The following CSF1R variants were observed in gnomAD, a reference collection of about 807,000 sequenced individuals.
CSF1R encodes the protein colony stimulating factor 1 receptor.
A neutral mutation model predicts 110.0 loss-of-function variants in CSF1R; 40 were observed. The observed-to-expected ratio is 0.36, with a 90% CI of 0.28 to 0.47. CSF1R has a LOEUF of 0.47. Among genes scored for constraint, CSF1R ranks in the 20% least tolerant of loss-of-function variants. CSF1R has a pLI of 0.99. For missense variants in CSF1R, 1,052 were observed against 1,253.0 expected (o/e 0.84, Z 2.42); for synonymous variants, 523 against 503.4 (o/e 1.04, Z -0.52).
chr5:150,067,892 TCACC>T (rs1757844343), intron 10 of CSF1R, among the ~76,000 whole-genome samples: 2 of 152,154 alleles, frequency 1.3e-5, no homozygotes, highest in African/African-American at 4.8e-5. Context: ...TCTGGCTGTA[TCACC>T]CAGGCTGGTC....
At chr5:150,110,662 T>C (rs965465891) in intron 1 of CSF1R, among the ~76,000 whole-genome samples, 2 of 152,216 alleles carry the variant, frequency 1.3e-5, no homozygotes, top group Non-Finnish European at 2.9e-5. Context: ...TAGGTACAGA[T>C]ACAAATATTA....
At chr5:150,089,842 T>G (rs1184034928), upstream of CSF1R, among the ~76,000 whole-genome samples, 1 of 152,188 alleles carries the variant, frequency 6.6e-6, no homozygotes, top group Non-Finnish European at 1.5e-5. Flanking sequence ...TATGGATCAA[T>G]AGAATAAAAT....
intron 1 of CSF1R, among the ~76,000 whole-genome samples, chr5:150,105,380 A>T (rs1392808379): frequency 1.0e-4 from 9 of 85,858 alleles, no homozygotes; most frequent in African/African-American, 3.6e-4. Context: ...ATATATATAT[A>T]TATATTTTTT....
At chr5:150,088,645 T>C (rs560458930), upstream of CSF1R, among the ~76,000 whole-genome samples, 4 of 152,226 alleles carry the variant, frequency 2.6e-5, no homozygotes, top group East Asian at 7.7e-4. Flanking sequence ...GCTATTCTCG[T>C]GCCTCAAACT....
upstream of CSF1R, among the ~76,000 whole-genome samples, chr5:150,087,742 T>A (rs1758901799): frequency 6.6e-6 from 1 of 152,094 alleles, no homozygotes; most frequent in African/African-American, 2.4e-5. Context: ...TTTTTTCTTT[T>A]TTTTTTTCTG....
At chr5:150,093,326 G>C (rs1458179737) in intron 1 of CSF1R, among the ~76,000 whole-genome samples, 1 of 152,088 alleles carries the variant, frequency 6.6e-6, no homozygotes, top group East Asian at 1.9e-4. Flanking sequence ...TCATCTGCCT[G>C]CTTCGGCCTC....
intron 1 of CSF1R, among the ~76,000 whole-genome samples, chr5:150,081,837 A>T (rs1758557299): frequency 6.6e-6 from 1 of 152,236 alleles, no homozygotes; most frequent in Non-Finnish European, 1.5e-5. Context: ...AGAAAAGAGA[A>T]CTTGAAACCC....
intron 1 of CSF1R, among the ~76,000 whole-genome samples, chr5:150,102,592 G>C (rs554209110): frequency 6.6e-6 from 1 of 152,228 alleles, no homozygotes; most frequent in East Asian, 1.9e-4. Context: ...CGATTCTCCT[G>C]CCTCAGCCTC....
At chr5:150,103,095 A>G (rs2113865074) in intron 1 of CSF1R, among the ~76,000 whole-genome samples, 1 of 152,348 alleles carries the variant, frequency 6.6e-6, no homozygotes, top group African/African-American at 2.4e-5. Context: ...AAGGTCAAGG[A>G]GGGTTTGTGA....
intron 12 of CSF1R, 134 bp from the exon 13 acceptor site, chr5:150,061,106 C>G: frequency 1.6e-6 from 1 of 606,662 alleles, no homozygotes; most frequent in South Asian, 2.3e-5. Context: ...TGACCAGAAG[C>G]CAAAAGAAGG....
At position 150,056,280 on chromosome 5, in the gene CSF1R, A is replaced by G. The variant is rs281860274; in HGVS notation, c.2381T>C (p.Ile794Thr). The change falls in exon 17 of 21, where the codon ATT (isoleucine) becomes ACT (threonine). Residue 794 changes from isoleucine to threonine, a missense_variant. Coordinates refer to ENST00000675795, the MANE Select transcript of CSF1R (RefSeq NM_001288705.3). ...VLLTNGHVAKIGDFGLARDIM... is the reference protein window; with the variant it reads ...VLLTNGHVAKTGDFGLARDIM... ...GTCCCTAGCCAGCCCGAAGTCCCCA[A>G]TCTTGGCCACATGACCATTGGTCAA... 1 of 1,614,072 alleles carries G rather than the reference A, an allele frequency of 6.2e-7. No individual in the cohort carries two copies. Among genetic ancestry groups the G allele is most frequent in the Non-Finnish European group, 8.5e-7 (1 of 1,180,012 alleles).
At chr5:150,084,398 G>T (rs181951501) in intron 1 of CSF1R, among the ~76,000 whole-genome samples, 1 of 25,026 alleles carries the variant, frequency 4.0e-5, no homozygotes, top group Non-Finnish European at 7.3e-5. Flanking sequence ...AAAGAAGGAA[G>T]GAAGGAAGGA....
intron 1 of CSF1R, among the ~76,000 whole-genome samples, chr5:150,110,668 T>A (rs375990227): frequency 6.6e-6 from 1 of 152,194 alleles, no homozygotes. Flanking sequence ...CAGATACAAA[T>A]ATTAGTATGG....
At chr5:150,085,712 C>A (rs1046340376) in intron 1 of CSF1R, among the ~76,000 whole-genome samples, 1 of 152,136 alleles carries the variant, frequency 6.6e-6, no homozygotes, top group Non-Finnish European at 1.5e-5. Flanking sequence ...AGCCCTGGGC[C>A]AGAGAGGCCA....
intron 1 of CSF1R, among the ~76,000 whole-genome samples, chr5:150,104,117 G>A (rs1384878162): frequency 1.3e-5 from 2 of 152,208 alleles, no homozygotes; most frequent in Non-Finnish European, 2.9e-5. Context: ...GTCCCTGGAT[G>A]GCCTTGAGGA....
In CSF1R at chr5:150,078,137, A is replaced by C. The variant is rs1465872803; in HGVS notation, c.704T>G (p.Val235Gly). 3.1e-6 allele frequency: 5 copies of C among 1,614,108 alleles called. No homozygotes were observed. The East Asian group carries it at 6.7e-5, about 22-fold the overall frequency. The change falls in exon 4 of 21, where the codon GTC becomes GGC. Residue 235 changes from valine to glycine, a missense_variant. Val to Gly is a moderately radical substitution (Grantham distance 109). Around this residue, in one of 5 missense-constraint regions of CSF1R, gnomAD observed 693 missense variants for 735.4 expected, o/e 0.94. Transcript: ENST00000675795. ...SASSVDVNFD[V>G]FLQHNNTKLA... ...CTTGGTGTTGTTGTGTTGGAGGAAG[A>C]CATCAAAGTTAACATCAACGCTGCT...
intron 5 of CSF1R, among the ~76,000 whole-genome samples, chr5:150,075,481 TC>T (rs1758223383): frequency 6.6e-6 from 1 of 152,202 alleles, no homozygotes; most frequent in Non-Finnish European, 1.5e-5. Context: ...AGGATGGAGC[TC>T]CCTTCTCCAA....
chr5:150,085,076 C>G (rs552898183), intron 1 of CSF1R, among the ~76,000 whole-genome samples: 1 of 151,910 alleles, frequency 6.6e-6, no homozygotes, highest in African/African-American at 2.4e-5. Flanking sequence ...GTCAGGAGTT[C>G]GAGACCAGCT....
chr5:150,084,382 AGAAAGAAAGAAGGAAGGAAGGAAGGAAG>A (rs1758718355), intron 1 of CSF1R, among the ~76,000 whole-genome samples: 4 of 49,200 alleles, frequency 8.1e-5, no homozygotes, highest in African/African-American at 1.3e-4. Flanking sequence ...AAAGAAAGAA[AGAAAGAAAGAAGGAAGGAAGGAAGGAAG>A]GAAGGAAGGA....
Sources: allele counts gnomAD v4.1 joint callset (sites outside exome capture counted in the v4.1 genomes callset), GRCh38; gene constraint gnomAD v4.1.1; regional missense constraint gnomAD v4.1.1; transcripts MANE v1.5; gene names NCBI Gene and HGNC (gene_info 2026-07-23, HGNC 2026-07-21).